MYRFL: variants seen among roughly 807,000 people sequenced by gnomAD.
The protein encoded by MYRFL is myelin regulatory factor-like protein.
MYRFL carries 88 observed loss-of-function variants against 109.4 expected under a neutral mutation model. That is an observed-to-expected ratio of 0.80 (90% CI 0.68 to 0.96). The LOEUF (loss-of-function observed/expected upper bound fraction) is 0.96, where lower values mean the gene tolerates loss of function less well. MYRFL is among the 40% of genes least tolerant of loss of function. The pLI, the probability that MYRFL is intolerant of heterozygous loss-of-function variation, is 0.00. For synonymous variants in MYRFL, 324 were observed against 320.9 expected (o/e 1.01, Z -0.10); for missense variants, 957 against 954.9 (o/e 1.00, Z -0.03).
intron 1 of MYRFL, among the ~76,000 whole-genome samples, chr12:69,828,786 A>G (rs754838475): frequency 3.9e-5 from 6 of 152,276 alleles, no homozygotes; most frequent in East Asian, 1.9e-4. Flanking sequence ...TTTGATAGCT[A>G]TAATCTTAGA....
Position 69,836,685 on chromosome 12 carries a change from C to T in MYRFL, c.46+11122C>T, listed in dbSNP as rs181194987. On this transcript the variant is annotated intron_variant, in intron 1 of 24. Coordinates refer to ENST00000552032, the MANE Select transcript of MYRFL (RefSeq NM_182530.3). ...CCTTAAGAAGCATTTGAAGAACTGC[C>T]ATTAGCTCCTTTTATCCGTATAAGG... 1.3e-3 allele frequency among the ~76,000 whole-genome samples: 193 copies of T among 152,250 alleles called. 1 individual carries two copies. The highest frequency in any genetic ancestry group is 2.0e-3 in the Non-Finnish European group (137 of 68,026).
At chr12:69,857,532 T>C (rs1442193945) in intron 2 of MYRFL, among the ~76,000 whole-genome samples, 1 of 151,870 alleles carries the variant, frequency 6.6e-6, no homozygotes, top group Non-Finnish European at 1.5e-5. Context: ...ACATGGTATA[T>C]CTATTTATTG....
At chr12:69,855,198 C>A in intron 1 of MYRFL, 82 bp from the exon 2 acceptor site, 1 of 647,646 alleles carries the variant, frequency 1.5e-6, no homozygotes, top group Admixed American at 2.3e-5. Context: ...CAGTCCCTGA[C>A]CTTAAAGATT....
At chr12:69,917,926 G>A (rs1011993009) in intron 13 of MYRFL, among the ~76,000 whole-genome samples, 1 of 149,648 alleles carries the variant, frequency 6.7e-6, no homozygotes, top group African/African-American at 2.5e-5. Context: ...AAGTCCAGAA[G>A]GTGACTGTGA....
chr12:69,863,622 A>T (rs1315586562), intron 2 of MYRFL, among the ~76,000 whole-genome samples: 1 of 152,200 alleles, frequency 6.6e-6, no homozygotes, highest in Non-Finnish European at 1.5e-5. Context: ...ATCTATATAT[A>T]TTTAAAACTC....
At chr12:69,841,843 T>A (rs1305033118) in intron 1 of MYRFL, among the ~76,000 whole-genome samples, 1 of 152,218 alleles carries the variant, frequency 6.6e-6, no homozygotes, top group Non-Finnish European at 1.5e-5. Flanking sequence ...CAGAAACTAA[T>A]GGTAATGACA....
rs1362945313 is a variant in MYRFL at position 69,938,949 on chromosome 12, C to T, written c.2224+2317C>T. ...GGGTGACGGATGGCACCTGGAAAATCGGGTCACTCCCACCCGAATACTGCG... is the reference window on the plus strand; with the variant it reads ...GGGTGACGGATGGCACCTGGAAAATTGGGTCACTCCCACCCGAATACTGCG... On this transcript the variant is annotated intron_variant, in intron 19 of 24. Transcript: ENST00000552032. Among the ~76,000 whole-genome samples, 3 of 152,148 alleles carry T rather than the reference C, an allele frequency of 2.0e-5. No homozygotes were observed. The East Asian group carries it at 5.8e-4, about 29-fold the overall frequency.
chr12:69,849,540 G>A (rs2136319882), intron 1 of MYRFL, among the ~76,000 whole-genome samples: 1 of 152,192 alleles, frequency 6.6e-6, no homozygotes, highest in South Asian at 2.1e-4. Flanking sequence ...TTCTTTCTCT[G>A]TTTCACAATT....
Position 69,932,509 on chromosome 12 carries a change from A to G in MYRFL, c.1831-4A>G, listed in dbSNP as rs1027499216. 2.0e-6 allele frequency: 3 copies of G among 1,533,584 alleles called. No individual in the cohort carries two copies. The highest frequency in any genetic ancestry group is 2.7e-5 in the African/African-American group (2 of 73,086). 95.0% of individuals were successfully genotyped at this position (1,533,584 alleles called of 1,614,324 possible). A position where few individuals can be genotyped will look rare whatever the true frequency, so the allele number is the denominator to read the frequency against. The stretch of plus-strand genomic sequence containing the variant: ...TCACTGCTCATTACTGAACCTTTTT[A>G]TAGGTTTATTTTTCAGGAAAAAGAC... On this transcript the variant is annotated splice_polypyrimidine_tract_variant and splice_region_variant and intron_variant, in intron 15 of 24. Coordinates refer to ENST00000552032, the MANE Select transcript of MYRFL (RefSeq NM_182530.3).
At position 69,957,828 on chromosome 12, in the gene MYRFL, A is replaced by G; in HGVS notation, c.2457A>G (p.Thr819=). The G allele has an allele frequency of 6.5e-7, 1 of 1,530,590 alleles. No homozygotes were observed. The highest frequency in any genetic ancestry group is 2.0e-5 in the Admixed American group (1 of 50,934). The allele number at this position is 1,530,590 out of a possible 1,614,324, so 94.8% of individuals were successfully genotyped here. The change falls in exon 23 of 25, where the codon ACA becomes ACG. Residue 819 remains threonine, a synonymous_variant. Transcript: ENST00000552032. ...NVKFSLEINT[T]EPLIVFQCKF... is the part of the protein sequence containing the mutation. ...TTTTCTTTGTCTCTTGAAGCACAAC[A>G]GAGCCATTGATAGTCTTCCAGTGCA... is the stretch of plus-strand genomic sequence containing the variant.
chr12:69,846,024 C>G (rs1013020380), intron 1 of MYRFL, among the ~76,000 whole-genome samples: 1 of 151,356 alleles, frequency 6.6e-6, no homozygotes, highest in Non-Finnish European at 1.5e-5. Context: ...AAAACTGGCT[C>G]TCCTCTGCAT....
chr12:69,911,324 T>C (rs898841856), intron 13 of MYRFL, among the ~76,000 whole-genome samples: 2 of 152,198 alleles, frequency 1.3e-5, no homozygotes, highest in African/African-American at 2.4e-5. Context: ...GCATTATATT[T>C]TAGGTAATGC....
At chr12:69,893,102 A>C (rs1296021256) in intron 7 of MYRFL, among the ~76,000 whole-genome samples, 2 of 152,176 alleles carry the variant, frequency 1.3e-5, no homozygotes, top group Non-Finnish European at 2.9e-5. Context: ...CCAGAAGGGG[A>C]ATTTACACAT....
intron 1 of MYRFL, among the ~76,000 whole-genome samples, chr12:69,830,483 CTA>C (rs145145377): frequency 1.3e-4 from 19 of 147,644 alleles, no homozygotes; most frequent in Admixed American, 2.0e-4. Context: ...ATAGAGATAT[CTA>C]TATATATATA....
chr12:69,906,684 A>G (rs537576018), intron 11 of MYRFL, among the ~76,000 whole-genome samples: 4 of 152,346 alleles, frequency 2.6e-5, no homozygotes, highest in Admixed American at 1.3e-4. Context: ...AAAGTCAAAC[A>G]TGCAAAGTCT....
chr12:69,874,979 G>GTACATACATACA (rs762858416), intron 2 of MYRFL, among the ~76,000 whole-genome samples: 225 of 149,238 alleles, frequency 1.5e-3, no homozygotes, highest in Non-Finnish European at 2.5e-3. Flanking sequence ...AGATATAAAT[G>GTACATACATACA]TATATATCTA....
chr12:69,851,377 A>C (rs928814360), intron 1 of MYRFL, among the ~76,000 whole-genome samples: 1 of 152,198 alleles, frequency 6.6e-6, no homozygotes, highest in African/African-American at 2.4e-5. Flanking sequence ...CTGAATACCG[A>C]GGCTTAAACC....
At chr12:69,885,621 A>G (rs1185594665) in intron 5 of MYRFL, among the ~76,000 whole-genome samples, 2 of 152,188 alleles carry the variant, frequency 1.3e-5, no homozygotes, top group Non-Finnish European at 2.9e-5. Context: ...AACAGCAACC[A>G]TACCAATACC....
chr12:69,880,949 C>CTGTTTTTTTTTTT (rs1886045553), intron 5 of MYRFL, among the ~76,000 whole-genome samples: 1 of 30,230 alleles, frequency 3.3e-5, no homozygotes, highest in Non-Finnish European at 7.3e-5. Flanking sequence ...GTCAGCCTTC[C>CTGTTTTTTTTTTT]TGTTTTTTTT....
Sources: allele counts gnomAD v4.1 joint callset (sites outside exome capture counted in the v4.1 genomes callset), GRCh38; gene constraint gnomAD v4.1.1; transcripts MANE v1.5; gene names NCBI Gene and HGNC (gene_info 2026-07-23, HGNC 2026-07-21).